Variants in PDE9A observed in about 807,000 individuals in gnomAD.
PDE9A encodes phosphodiesterase 9A, also known as high affinity cGMP-specific 3',5'-cyclic phosphodiesterase 9A.
PDE9A carries 60 observed loss-of-function variants against 87.4 expected under a neutral mutation model. That is an observed-to-expected ratio of 0.69 (90% CI 0.56 to 0.85). PDE9A has a LOEUF of 0.85. Among genes scored for constraint, PDE9A ranks in the 40% least tolerant of loss-of-function variants. The pLI is 0.00. For missense variants in PDE9A, 665 were observed against 779.0 expected (o/e 0.85, Z 1.74); for synonymous variants, 272 against 279.4 (o/e 0.97, Z 0.27).
intron 4 of PDE9A, among the ~76,000 whole-genome samples, chr21:42,721,248 G>A (rs79316078): frequency 0.01 from 1,561 of 152,234 alleles, 24 homozygotes; most frequent in African/African-American, 0.035. Context: ...GATACAAAAT[G>A]TGAAATTCCC....
At chr21:42,765,297 CA>C (rs1293409908) in intron 14 of PDE9A, 83 bp from the exon 15 acceptor site, 13 of 696,314 alleles carry the variant, frequency 1.9e-5, no homozygotes, top group Non-Finnish European at 3.0e-5. Flanking sequence ...ATAATGTGTG[CA>C]GGGGGCTCAG....
At chr21:42,711,800 C>T (rs2049367829) in intron 4 of PDE9A, among the ~76,000 whole-genome samples, 1 of 152,158 alleles carries the variant, frequency 6.6e-6, no homozygotes, top group Non-Finnish European at 1.5e-5. Flanking sequence ...GCTGTTACTG[C>T]ACCACTTGTT....
chr21:42,733,182 A>G (rs2052018763), intron 6 of PDE9A, among the ~76,000 whole-genome samples, 174 bp from the exon 7 acceptor site: 1 of 152,236 alleles, frequency 6.6e-6, no homozygotes, highest in African/African-American at 2.4e-5. Context: ...CCCATGGGAC[A>G]TGATGATTTC....
intron 1 of PDE9A, among the ~76,000 whole-genome samples, chr21:42,671,411 T>C (rs2058555885): frequency 6.6e-6 from 1 of 152,242 alleles, no homozygotes; most frequent in African/African-American, 2.4e-5. Flanking sequence ...AAATATCTCC[T>C]AAACTGGAAA....
chr21:42,657,917 G>T (rs2145786020), intron 1 of PDE9A, among the ~76,000 whole-genome samples: 1 of 152,374 alleles, frequency 6.6e-6, no homozygotes, highest in East Asian at 1.9e-4. Flanking sequence ...GTGGCCGCTT[G>T]AGTTTGCGGG....
chr21:42,663,347 C>T (rs904226151), intron 1 of PDE9A, among the ~76,000 whole-genome samples: 3 of 152,100 alleles, frequency 2.0e-5, no homozygotes, highest in Admixed American at 6.5e-5. Context: ...ACACCACACA[C>T]GCACAGTATG....
intron 7 of PDE9A, among the ~76,000 whole-genome samples, chr21:42,740,591 ATGGATGGATGG>A: frequency 2.2e-5 from 1 of 45,690 alleles, no homozygotes. Context: ...GGGTGGATGG[ATGGATGGATGG>A]ATGGATGGAT....
At chr21:42,740,605 GGATGGATGGA>G (rs2053049482) in intron 7 of PDE9A, among the ~76,000 whole-genome samples, 2 of 107,266 alleles carry the variant, frequency 1.9e-5, no homozygotes, top group African/African-American at 7.3e-5. Flanking sequence ...ATGGATGGAT[GGATGGATGGA>G]TGGATGGATG....
At chr21:42,674,528 G>A (rs1331227496) in intron 1 of PDE9A, among the ~76,000 whole-genome samples, 1 of 152,010 alleles carries the variant, frequency 6.6e-6, no homozygotes, top group Non-Finnish European at 1.5e-5. Context: ...CCTGGCCTTT[G>A]TAAAACGGCT....
Position 42,770,705 on chromosome 21 carries a change from C to T in PDE9A, c.1593C>T (p.Leu531=). 6.2e-7 allele frequency: 1 copy of T among 1,612,590 alleles called. No individual in the cohort carries two copies. The highest frequency in any genetic ancestry group is 8.5e-7 in the Non-Finnish European group (1 of 1,178,528). ...LIPMFETVTK[L]FPMVEEIMLQ... ...ATAAATCCGTGTGTCTCTCCCAGCT[C>T]TTCCCCATGGTTGAGGAGATCATGC... The change falls in exon 18 of 20, where the codon CTC becomes CTT. Residue 531 remains leucine, a splice_region_variant and synonymous_variant. Transcript: ENST00000291539.
Position 42,769,240 on chromosome 21 carries a change from C to G in PDE9A, c.1590+85C>G, listed in dbSNP as rs1000391412. 3 of 1,207,706 alleles carry G rather than the reference C, an allele frequency of 2.5e-6. No homozygotes were observed. In the African/African-American group the frequency reaches 4.5e-5, roughly 18 times the overall value. 74.8% of individuals were successfully genotyped at this position (1,207,706 alleles called of 1,614,324 possible). On this transcript the variant is annotated intron_variant, in intron 17 of 19. Transcript: ENST00000291539. ...AGGCACACACACATATACACATATG[C>G]ACACAGGTACACACAGACACACACT... is the stretch of plus-strand genomic sequence containing the variant.
intron 13 of PDE9A, 134 bp from the exon 14 acceptor site, chr21:42,761,949 A>G: frequency 1.2e-6 from 1 of 832,662 alleles, no homozygotes; most frequent in Non-Finnish European, 1.9e-6. Context: ...GCCAGGGCAC[A>G]GGCAGCTCCC....
intron 9 of PDE9A, among the ~76,000 whole-genome samples, chr21:42,753,660 C>T (rs888178821): frequency 4.0e-5 from 6 of 151,808 alleles, no homozygotes; most frequent in Admixed American, 3.3e-4. Context: ...GTCAGGAGTT[C>T]GAGACCAGCC....
chr21:42,751,633 T>TGGTGAAGTAGCAATG (rs1162345612), intron 9 of PDE9A, among the ~76,000 whole-genome samples: 1 of 152,208 alleles, frequency 6.6e-6, no homozygotes, highest in African/African-American at 2.4e-5. Flanking sequence ...GCTGTGACGT[T>TGGTGAAGTAGCAATG]GGTGAAGTAG....
chr21:42,697,433 T>A, intron 3 of PDE9A: 1 of 1,611,232 alleles, frequency 6.2e-7, no homozygotes, highest in Non-Finnish European at 8.5e-7. Context: ...TCATTCTCTA[T>A]ACATCACTCC....
chr21:42,708,690 G>A (rs1338631731), intron 4 of PDE9A, among the ~76,000 whole-genome samples: 2 of 152,218 alleles, frequency 1.3e-5, no homozygotes, highest in Admixed American at 1.3e-4. Context: ...GTGTAGCTGA[G>A]ATTACAGGCG....
At chr21:42,662,356 C>T (rs535904231) in intron 1 of PDE9A, among the ~76,000 whole-genome samples, 1 of 152,162 alleles carries the variant, frequency 6.6e-6, no homozygotes, top group African/African-American at 2.4e-5. Flanking sequence ...ATCCACCCTC[C>T]CCCTACCTGT....
chr21:42,763,277 A>G (rs1381448185), intron 14 of PDE9A, among the ~76,000 whole-genome samples: 1 of 152,242 alleles, frequency 6.6e-6, no homozygotes, highest in Non-Finnish European at 1.5e-5. Context: ...ATGTGATCTT[A>G]TTTGGAAAAG....
At chr21:42,732,526 C>T (rs1211546181) in intron 6 of PDE9A, among the ~76,000 whole-genome samples, 1 of 152,188 alleles carries the variant, frequency 6.6e-6, no homozygotes, top group African/African-American at 2.4e-5. Flanking sequence ...ACCTGGATAC[C>T]GTATTTTCCA....
Sources: gnomAD v4.1 joint callset for allele counts (sites outside exome capture counted in the v4.1 genomes callset) on GRCh38, gnomAD v4.1.1 for gene constraint, MANE v1.5 for transcripts, NCBI Gene and HGNC (gene_info 2026-07-23, HGNC 2026-07-21) for gene names.